Variants in NELL1 observed in about 807,000 individuals in gnomAD.
NELL1 encodes the protein protein kinase C-binding protein NELL1.
Under a neutral mutation model 107.4 loss-of-function variants are expected in NELL1, and 76 were observed. The observed-to-expected ratio is 0.71, with a 90% CI of 0.59 to 0.86. The LOEUF is 0.86. Ranked by LOEUF, NELL1 falls within the 40% of genes least tolerant of loss-of-function variation. The pLI is 0.00. For synonymous variants in NELL1, 353 were observed against 341.2 expected, an observed-to-expected ratio of 1.03 and a Z score of -0.38; for missense variants, 1,024 against 1,005.5, an observed-to-expected ratio of 1.02 and a Z score of -0.25.
At chr11:21,153,518 C>G (rs1245976953) in intron 13 of NELL1, among the ~76,000 whole-genome samples, 1 of 152,080 alleles carries the variant, frequency 6.6e-6, no homozygotes, top group Non-Finnish European at 1.5e-5. Flanking sequence ...AAAGCAGACA[C>G]AGAATGTTTG....
rs111480561 is a variant in NELL1, at chr11:21,532,502, T to C, written c.1646-1872T>C. On this transcript the variant is annotated intron_variant, in intron 15 of 19. Coordinates refer to ENST00000357134, the MANE Select transcript of NELL1 (RefSeq NM_006157.5). The stretch of plus-strand genomic sequence containing the variant: ...GAGTAAAAGGGAAGTAGATATAAAC[T>C]AGGACTTTTCCAGGCAAACCAGGAC... 2.3e-3 allele frequency among the ~76,000 whole-genome samples: 353 copies of C among 152,310 alleles called. 1 individual carries two copies. Among genetic ancestry groups the C allele is most frequent in the African/African-American group, 8.3e-3 (343 of 41,574 alleles).
At position 21,467,854 on chromosome 11, in the gene NELL1, T is replaced by C. The variant is rs116377743; in HGVS notation, c.1646-66520T>C. On this transcript the variant is annotated intron_variant, in intron 15 of 19. Coordinates refer to ENST00000357134, the MANE Select transcript of NELL1 (RefSeq NM_006157.5). ...GAATTTGTGGGTGATGAAAGCATAG[T>C]TGCTCTGGGAAAAGCTGAGAAGAAA... 6.7e-3 allele frequency among the ~76,000 whole-genome samples: 1,016 copies of C among 152,126 alleles called. 15 individuals carry two copies. Among genetic ancestry groups the C allele is most frequent in the African/African-American group, 0.023 (969 of 41,514 alleles).
intron 14 of NELL1, among the ~76,000 whole-genome samples, chr11:21,276,847 G>A (rs1440369573): frequency 7.2e-5 from 11 of 152,180 alleles, no homozygotes; most frequent in South Asian, 2.1e-4. Context: ...CTAGCCATAC[G>A]TAGAAAGCTG....
chr11:21,319,494 T>A (rs1286735894), intron 14 of NELL1, among the ~76,000 whole-genome samples: 2 of 135,632 alleles, frequency 1.5e-5, no homozygotes, highest in East Asian at 2.2e-4. Flanking sequence ...CCAGCTAAAT[T>A]TATATATATA....
At chr11:21,276,126 T>C (rs1441137994) in intron 14 of NELL1, among the ~76,000 whole-genome samples, 4 of 152,232 alleles carry the variant, frequency 2.6e-5, no homozygotes, top group African/African-American at 7.2e-5. Flanking sequence ...TGTTTGCAGA[T>C]GACATGATTG....
intron 15 of NELL1, among the ~76,000 whole-genome samples, chr11:21,490,771 C>T (rs1466951310): frequency 6.6e-6 from 1 of 151,856 alleles, no homozygotes; most frequent in Non-Finnish European, 1.5e-5. Flanking sequence ...AACTAGATAC[C>T]CATTTCACCC....
chr11:21,136,105 G>C (rs138452440), intron 13 of NELL1, among the ~76,000 whole-genome samples: 1 of 152,230 alleles, frequency 6.6e-6, no homozygotes. Flanking sequence ...ACATAGGGCC[G>C]TAGGGGAAGA....
chr11:21,564,973 A>C (rs112783319), intron 17 of NELL1, among the ~76,000 whole-genome samples: 1,684 of 152,068 alleles, frequency 0.011, 29 homozygotes, highest in African/African-American at 0.039. Flanking sequence ...CACAAGGAGC[A>C]GTCAGCATAC....
At chr11:21,448,255 G>A (rs1853490256) in intron 15 of NELL1, among the ~76,000 whole-genome samples, 1 of 152,104 alleles carries the variant, frequency 6.6e-6, no homozygotes, top group African/African-American at 2.4e-5. Flanking sequence ...AGGACTATCA[G>A]TGGAGACTTC....
chr11:21,425,966 T>C (rs60159288), intron 15 of NELL1, among the ~76,000 whole-genome samples: 8,035 of 152,196 alleles, frequency 0.053, 443 homozygotes, highest in East Asian at 0.17. Flanking sequence ...CAAGAAAATG[T>C]AGCTAAAAGA....
intron 15 of NELL1, among the ~76,000 whole-genome samples, chr11:21,380,112 A>G (rs904574223): frequency 6.6e-6 from 1 of 152,088 alleles, no homozygotes; most frequent in Non-Finnish European, 1.5e-5. Context: ...ACTTTTCTCA[A>G]TTTGAGCTTT....
At chr11:21,273,400 A>C (rs1015686292) in intron 14 of NELL1, among the ~76,000 whole-genome samples, 1 of 152,230 alleles carries the variant, frequency 6.6e-6, no homozygotes, top group Non-Finnish European at 1.5e-5. Flanking sequence ...ATATGGGACT[A>C]TGTGAAAAGA....
chr11:21,413,343 G>A (rs1440815041), intron 15 of NELL1, among the ~76,000 whole-genome samples: 1 of 151,828 alleles, frequency 6.6e-6, no homozygotes, highest in Non-Finnish European at 1.5e-5. Context: ...ACACTCAAGG[G>A]TGCTGGGGGT....
chr11:21,367,292 ACACACACAC>A (rs1851248811), intron 14 of NELL1, among the ~76,000 whole-genome samples: 3 of 149,574 alleles, frequency 2.0e-5, no homozygotes, highest in Non-Finnish European at 3.0e-5. Flanking sequence ...ACACACACAC[ACACACACAC>A]AATCTATTTT....
At chr11:21,455,237 G>T (rs1241477141) in intron 15 of NELL1, among the ~76,000 whole-genome samples, 2 of 149,516 alleles carry the variant, frequency 1.3e-5, no homozygotes, top group East Asian at 3.9e-4. Context: ...TTTCTATGGA[G>T]AATATCATAG....
intron 2 of NELL1, among the ~76,000 whole-genome samples, chr11:20,725,609 T>C (rs1382043581): frequency 2.0e-5 from 3 of 152,202 alleles, no homozygotes; most frequent in Non-Finnish European, 4.4e-5. Flanking sequence ...TCACTTTATA[T>C]GTGAGGAAAT....
intron 14 of NELL1, among the ~76,000 whole-genome samples, chr11:21,272,044 G>A (rs12416883): frequency 0.19 from 28,625 of 152,036 alleles, 3,796 homozygotes; most frequent in African/African-American, 0.35. Flanking sequence ...GGGGAGTGTC[G>A]GAAAGTGGGT....
intron 15 of NELL1, among the ~76,000 whole-genome samples, chr11:21,395,130 GA>G (rs1292836682): frequency 1.3e-5 from 2 of 151,466 alleles, no homozygotes; most frequent in Non-Finnish European, 3.0e-5. Flanking sequence ...TTAAGAAATA[GA>G]AAAATGATTA....
intron 14 of NELL1, among the ~76,000 whole-genome samples, chr11:21,274,865 C>A (rs1848820347): frequency 6.6e-6 from 1 of 152,134 alleles, no homozygotes; most frequent in Admixed American, 6.5e-5. Flanking sequence ...AACAAAGACA[C>A]AACATACCAG....
Sources: gnomAD v4.1 joint callset for allele counts (sites outside exome capture counted in the v4.1 genomes callset) on GRCh38, gnomAD v4.1.1 for gene constraint, MANE v1.5 for transcripts, NCBI Gene and HGNC (gene_info 2026-07-23, HGNC 2026-07-21) for gene names.